The following SATB2 variants were observed in gnomAD, a reference collection of about 807,000 sequenced individuals.
The protein encoded by SATB2 is DNA-binding protein SATB2.
SATB2 carries 1 observed loss-of-function variant against 73.4 expected under a neutral mutation model. That is an observed-to-expected ratio of 0.01 (90% confidence interval 0.00 to 0.06). The LOEUF is 0.06. Ranked by LOEUF, SATB2 falls within the 10% of genes least tolerant of loss-of-function variation. The pLI, the probability that SATB2 is intolerant of heterozygous loss-of-function variation, is 1.00. For missense variants in SATB2, 459 were observed against 945.8 expected (o/e 0.49, Z 6.75); for synonymous variants, 397 against 367.0 (o/e 1.08, Z -0.93).
Position 199,464,591 on chromosome 2 carries a change from A to G in SATB2, c.-141+245T>C, listed in dbSNP as rs964691047. Among the ~76,000 whole-genome samples the G allele has an allele frequency of 6.6e-6, 1 of 152,092 alleles. No individual in the cohort carries two copies. Among genetic ancestry groups the G allele is most frequent in the African/African-American group, 2.4e-5 (1 of 41,438 alleles). ...GTCTGAGACGCCCCGCGCCCGACTC[A>G]CGGCGCGAACACCAGCGCTCCGGCC... On this transcript the variant is annotated intron_variant, in intron 1 of 11. Coordinates refer to the SATB2 transcript ENST00000260926. The surrounding 1 kb of genome is among the most constrained non-coding windows in gnomAD (Gnocchi z 6.6).
chr2:199,428,722 C>T (rs912863174), intron 3 of SATB2, among the ~76,000 whole-genome samples: 9 of 152,090 alleles, frequency 5.9e-5, no homozygotes, highest in Admixed American at 5.2e-4. Context: ...CAGTTGTTAC[C>T]ATGCATTATA....
Position 199,306,070 on chromosome 2 carries a change from T to TA in SATB2, c.1740+2689dup, listed in dbSNP as rs553531956. 5.3e-4 allele frequency among the ~76,000 whole-genome samples: 81 copies of TA among 152,276 alleles called. 1 individual carries two copies. Among genetic ancestry groups the TA allele is most frequent in the South Asian group, 1.9e-3 (9 of 4,828 alleles). ...AAACAGGTAATTAACTGTATCTTGC[T>TA]AAAAATTTAGTTGATATGAAAGGCC... On this transcript the variant is annotated intron_variant, in intron 10 of 10. Coordinates refer to ENST00000417098, the MANE Select transcript of SATB2 (RefSeq NM_001172509.2).
rs1369120158 is a variant in SATB2 at position 199,443,634 on chromosome 2, T to C, written c.170-10120A>G. 3.3e-5 allele frequency among the ~76,000 whole-genome samples: 5 copies of C among 151,238 alleles called. No individual in the cohort carries two copies. In the East Asian group the frequency reaches 5.8e-4, roughly 18 times the overall value. ...CAGCAAAACATTTACGGATACTTAA[T>C]AGATGTGTAGAAAGCAACACTGTGC... On this transcript the variant is annotated intron_variant, in intron 2 of 10. Coordinates refer to ENST00000417098, the MANE Select transcript of SATB2 (RefSeq NM_001172509.2).
At chr2:199,379,682 CTTT>C (rs71015899) in intron 5 of SATB2, among the ~76,000 whole-genome samples, 9 of 108,242 alleles carry the variant, frequency 8.3e-5, no homozygotes, top group Non-Finnish European at 7.6e-5. Flanking sequence ...CTTTTCTTTT[CTTT>C]TTTTTTTTTT....
chr2:199,292,508 G>GT (rs1315575728), intron 10 of SATB2, among the ~76,000 whole-genome samples: 1 of 152,186 alleles, frequency 6.6e-6, no homozygotes, highest in Admixed American at 6.5e-5. Context: ...ATGTCTAGTA[G>GT]TGTTGACAGA....
At chr2:199,297,554 C>T (rs1050576508) in intron 10 of SATB2, among the ~76,000 whole-genome samples, 1 of 152,188 alleles carries the variant, frequency 6.6e-6, no homozygotes, top group South Asian at 2.1e-4. Context: ...AGCCTGAATT[C>T]ATCTTCCTGG....
chr2:199,404,655 T>G (rs1690579708), intron 3 of SATB2, among the ~76,000 whole-genome samples: 1 of 152,134 alleles, frequency 6.6e-6, no homozygotes, highest in African/African-American at 2.4e-5. Context: ...ACAACGTTTA[T>G]AAAAACATTG....
chr2:199,382,589 G>C (rs987822624), intron 3 of SATB2, among the ~76,000 whole-genome samples: 1 of 152,148 alleles, frequency 6.6e-6, no homozygotes, highest in African/African-American at 2.4e-5. Context: ...GAATACCCTT[G>C]TTAGAGGAAG....
At chr2:199,329,417 T>C (rs1270637594) in intron 7 of SATB2, 1 of 118,230 alleles carries the variant, frequency 8.5e-6, no homozygotes, top group Non-Finnish European at 1.7e-5. Flanking sequence ...TCAATAGAGA[T>C]ATTTCTTATG....
intron 2 of SATB2, among the ~76,000 whole-genome samples, chr2:199,444,204 A>G (rs929361772): frequency 6.6e-6 from 1 of 152,088 alleles, no homozygotes; most frequent in African/African-American, 2.4e-5. Flanking sequence ...GTCTCTGCAT[A>G]TAAATCTCTT....
chr2:199,369,345 T>C (rs1689376505), intron 5 of SATB2, among the ~76,000 whole-genome samples: 1 of 152,132 alleles, frequency 6.6e-6, no homozygotes, highest in African/African-American at 2.4e-5. Context: ...GCTCTCATCC[T>C]CCTCAGCCCA....
At chr2:199,323,512 T>TATAC (rs1421370805) in intron 9 of SATB2, among the ~76,000 whole-genome samples, 6 of 96,500 alleles carry the variant, frequency 6.2e-5, no homozygotes, top group Non-Finnish European at 1.1e-4. Flanking sequence ...CACACACATA[T>TATAC]ATAAAGGGAG....
rs192749049 is a variant in SATB2, at chr2:199,372,184, T to C, written c.598-3477A>G. ...ATTATGAAATTTTAAGTATAAAGGT[T>C]TTTGGATGGGAGATAAAGTATAGGT... On this transcript the variant is annotated intron_variant, in intron 5 of 10. Coordinates refer to ENST00000417098, the MANE Select transcript of SATB2 (RefSeq NM_001172509.2). 3.3e-4 allele frequency among the ~76,000 whole-genome samples: 50 copies of C among 152,314 alleles called. No homozygotes were observed. In the East Asian group the frequency reaches 6.7e-3, roughly 21 times the overall value.
chr2:199,463,248 C>T lies in SATB2; in HGVS notation c.-141+1588G>A, dbSNP rs1015482152. ...CAACCACGCTGCGAGAGAATGACTG[C>T]CCTGCTAATCTAGTTTACTTGTAGA... On this transcript the variant is annotated intron_variant, in intron 1 of 11. Transcript: ENST00000260926. The surrounding 1 kb of genome is among the most constrained non-coding windows in gnomAD (Gnocchi z 6.4). Among the ~76,000 whole-genome samples the T allele has an allele frequency of 3.9e-5, 6 of 152,184 alleles. No individual in the cohort carries two copies. The highest frequency in any genetic ancestry group is 8.8e-5 in the Non-Finnish European group (6 of 68,024).
intron 3 of SATB2, among the ~76,000 whole-genome samples, chr2:199,399,606 C>G (rs1690409780): frequency 6.6e-6 from 1 of 152,124 alleles, no homozygotes. Flanking sequence ...ACAGACTGTA[C>G]AGGAAGAAGC....
At chr2:199,345,475 G>A (rs1688624273) in intron 7 of SATB2, among the ~76,000 whole-genome samples, 1 of 129,932 alleles carries the variant, frequency 7.7e-6, no homozygotes, top group African/African-American at 3.0e-5. Flanking sequence ...CACTTAAGAA[G>A]TTGGTCAACA....
intron 3 of SATB2, among the ~76,000 whole-genome samples, chr2:199,389,277 A>G (rs1690053262): frequency 6.6e-6 from 1 of 152,170 alleles, no homozygotes; most frequent in Admixed American, 6.5e-5. Context: ...AACTTGTTGG[A>G]ATAAACCTAA....
chr2:199,446,459 G>A (rs1691964880), intron 2 of SATB2, among the ~76,000 whole-genome samples: 1 of 151,972 alleles, frequency 6.6e-6, no homozygotes, highest in African/African-American at 2.4e-5. Context: ...TTGGGGAAGA[G>A]GGACATGGAG....
intron 10 of SATB2, among the ~76,000 whole-genome samples, chr2:199,296,648 A>G (rs1225737778): frequency 2.0e-5 from 3 of 152,166 alleles, no homozygotes; most frequent in Non-Finnish European, 4.4e-5. Context: ...GCTATGAGCC[A>G]TGATTGTGCC....
Sources: gnomAD v4.1 joint callset for allele counts (sites outside exome capture counted in the v4.1 genomes callset) on GRCh38, gnomAD v4.1.1 for gene constraint, Gnocchi (gnomAD v3.1) non-coding constraint, MANE v1.5 for transcripts, NCBI Gene and HGNC (gene_info 2026-07-23, HGNC 2026-07-21) for gene names.